The following CHL1 variants were observed in gnomAD, a reference collection of about 807,000 sequenced individuals.
CHL1 encodes neural cell adhesion molecule L1-like protein.
Under a neutral mutation model 141.9 loss-of-function variants are expected in CHL1, and 96 were observed. The ratio of observed to expected loss-of-function variants is 0.68; its 90% CI spans 0.57 to 0.80. The LOEUF is 0.80. Ranked by LOEUF, CHL1 falls within the 30% of genes least tolerant of loss-of-function variation. CHL1 has a pLI of 0.00. For missense variants in CHL1, 1,820 were observed against 1,457.2 expected (o/e 1.25, Z -4.05); for synonymous variants, 613 against 502.2 (o/e 1.22, Z -2.95).
At chr3:401,191 C>G (rs1709097769) in intron 26 of CHL1, among the ~76,000 whole-genome samples, 2 of 152,134 alleles carry the variant, frequency 1.3e-5, no homozygotes, top group African/African-American at 4.8e-5. Context: ...CATGAGCCAC[C>G]ACATCCAGCC....
At chr3:376,586 C>A (rs149326154) in intron 15 of CHL1, among the ~76,000 whole-genome samples, 1 of 152,318 alleles carries the variant, frequency 6.6e-6, no homozygotes, top group East Asian at 1.9e-4. Flanking sequence ...TGAAACACCC[C>A]GTGCCAGGGT....
chr3:230,479 A>T (rs891216538), intron 1 of CHL1, among the ~76,000 whole-genome samples: 1 of 151,842 alleles, frequency 6.6e-6, no homozygotes, highest in Non-Finnish European at 1.5e-5. Context: ...TTTTTTAAAC[A>T]TCTACCTTCA....
chr3:316,929 T>G (rs1191392290), intron 2 of CHL1, among the ~76,000 whole-genome samples: 1 of 152,060 alleles, frequency 6.6e-6, no homozygotes, highest in Non-Finnish European at 1.5e-5. Context: ...TATTGCTATC[T>G]TACTGTTGCA....
intron 10 of CHL1, among the ~76,000 whole-genome samples, chr3:351,410 T>C (rs1407048657): frequency 2.0e-5 from 3 of 152,210 alleles, no homozygotes; most frequent in South Asian, 4.1e-4. Context: ...TCTCTTTACC[T>C]ATACACATGA....
At chr3:338,155 C>A (rs981722063) in intron 5 of CHL1, among the ~76,000 whole-genome samples, 1 of 152,122 alleles carries the variant, frequency 6.6e-6, no homozygotes, top group Non-Finnish European at 1.5e-5. Flanking sequence ...TTCTGCTTAG[C>A]TAGACTGTTA....
intron 9 of CHL1, among the ~76,000 whole-genome samples, chr3:346,626 T>G (rs534373724): frequency 1.5e-4 from 23 of 152,296 alleles, no homozygotes; most frequent in Admixed American, 8.5e-4. Context: ...TGAAAATATA[T>G]GTTGTTGTGA....
rs139892128 is a variant in CHL1 at position 405,530 on chromosome 3, G to C, written c.3494G>C (p.Arg1165Pro). 6 of 1,612,928 alleles carry C rather than the reference G, an allele frequency of 3.7e-6. No individual in the cohort carries two copies. The highest frequency in any genetic ancestry group is 5.1e-6 in the Non-Finnish European group (6 of 1,179,190). The change falls in exon 28 of 28, where the codon CGG becomes CCG. Residue 1165 changes from arginine to proline, a missense_variant. Physicochemically the swap from Arg to Pro is moderately radical, Grantham distance 103. Coordinates refer to ENST00000256509, the MANE Select transcript of CHL1 (RefSeq NM_006614.4). The stretch of plus-strand genomic sequence containing the variant: ...GAAAAGCCTCTCAAAGGAAGCCTTC[G>C]GTCCCTTAATAGGGATATGCAGCCT... Reference protein sequence around the residue: ...SDEKPLKGSLRSLNRDMQPTE... With the variant: ...SDEKPLKGSLPSLNRDMQPTE...
At chr3:312,434 T>A (rs183522576) in intron 2 of CHL1, among the ~76,000 whole-genome samples, 3 of 152,344 alleles carry the variant, frequency 2.0e-5, no homozygotes, top group Admixed American at 2.0e-4. Flanking sequence ...GATTACTGTG[T>A]TTATGACACT....
chr3:364,648 A>T (rs568695514), intron 14 of CHL1, among the ~76,000 whole-genome samples: 9 of 151,514 alleles, frequency 5.9e-5, no homozygotes, highest in Non-Finnish European at 4.4e-5. Context: ...TTTTTTTTTT[A>T]CATATACAAA....
chr3:199,569 C>T (rs1698734740), intron 1 of CHL1, among the ~76,000 whole-genome samples: 1 of 152,150 alleles, frequency 6.6e-6, no homozygotes. Context: ...TAAGTTAATT[C>T]ATCTCATTAC....
In CHL1 at chr3:383,972, A is replaced by AT. The variant is rs1256151187; in HGVS notation, c.2247+93dup. On this transcript the variant is annotated intron_variant, in intron 19 of 27. Transcript: ENST00000256509. ...ATGCTAACTACAATGATAGCACAAC[A>AT]TTTTTTTAAGAACAAAGATAAGATT... 7.3e-6 allele frequency: 6 copies of AT among 824,078 alleles called. No individual in the cohort carries two copies. In the East Asian group the frequency reaches 1.3e-4, roughly 17 times the overall value. 51.0% of individuals were successfully genotyped at this position (824,078 alleles called of 1,614,324 possible).
intron 1 of CHL1, among the ~76,000 whole-genome samples, chr3:206,835 C>G (rs1699483540): frequency 6.6e-6 from 1 of 152,182 alleles, no homozygotes; most frequent in Non-Finnish European, 1.5e-5. Context: ...GTTTCTGATA[C>G]TCTATGATAT....
intron 2 of CHL1, among the ~76,000 whole-genome samples, chr3:290,053 A>C (rs935718401): frequency 6.6e-6 from 1 of 150,538 alleles, no homozygotes; most frequent in Admixed American, 6.7e-5. Flanking sequence ...AAGCTTGTTC[A>C]ACACAGTTTT....
chr3:311,853 A>T (rs1380569676), intron 2 of CHL1, among the ~76,000 whole-genome samples: 2 of 152,170 alleles, frequency 1.3e-5, no homozygotes, highest in East Asian at 1.9e-4. Context: ...TCACAGCTAT[A>T]TAAGTTGTTT....
chr3:394,014 C>G (rs1159606945), intron 23 of CHL1, among the ~76,000 whole-genome samples: 4 of 152,138 alleles, frequency 2.6e-5, no homozygotes, highest in African/African-American at 9.7e-5. Context: ...ATCTCTTGGA[C>G]TATTGTTACA....
intron 1 of CHL1, among the ~76,000 whole-genome samples, chr3:222,792 T>G (rs2124988391): frequency 6.6e-6 from 1 of 152,314 alleles, no homozygotes; most frequent in East Asian, 1.9e-4. Context: ...GAAAAGTCTC[T>G]TCTAACGCAT....
At chr3:345,789 G>A (rs1178379660) in intron 9 of CHL1, among the ~76,000 whole-genome samples, 3 of 152,226 alleles carry the variant, frequency 2.0e-5, no homozygotes, top group East Asian at 3.9e-4. Context: ...AGCCCGCAAT[G>A]CACCTTTTTA....
chr3:270,713 A>C (rs1261779974), intron 2 of CHL1, among the ~76,000 whole-genome samples: 1 of 152,246 alleles, frequency 6.6e-6, no homozygotes, highest in East Asian at 1.9e-4. Context: ...TAAAAGTTTT[A>C]AATGCAATTG....
In CHL1 at chr3:363,277, C is replaced by G; in HGVS notation, c.1479C>G (p.Gly493=). ...GGCGGTATCATATCTATGAAAATGG[C>G]ACATTGCAGATCAACAGAACCACCG... ...EGRRYHIYEN[G]TLQINRTTEE... The change falls in exon 14 of 28, where the codon GGC becomes GGG. Residue 493 remains glycine (G), a synonymous_variant. Transcript: ENST00000256509. 1 of 1,613,552 alleles carries G rather than the reference C, an allele frequency of 6.2e-7. No individual in the cohort carries two copies. Among genetic ancestry groups the G allele is most frequent in the Non-Finnish European group, 8.5e-7 (1 of 1,179,630 alleles).
Sources: gnomAD v4.1 joint callset for allele counts (sites outside exome capture counted in the v4.1 genomes callset) on GRCh38, gnomAD v4.1.1 for gene constraint, MANE v1.5 for transcripts, NCBI Gene and HGNC (gene_info 2026-07-23, HGNC 2026-07-21) for gene names.